KIF18A: variants seen among roughly 807,000 people sequenced by gnomAD.
KIF18A encodes kinesin family member 18A.
In KIF18A, 67 loss-of-function variants were observed where a neutral mutation model predicts 103.3. That is an observed-to-expected ratio of 0.65 (90% CI 0.53 to 0.79). KIF18A has a LOEUF of 0.79. Ranked by LOEUF, KIF18A falls within the 30% of genes least tolerant of loss-of-function variation. KIF18A has a pLI of 0.00. For missense variants in KIF18A, 1,032 were observed against 1,062.5 expected (o/e 0.97, Z 0.40); for synonymous variants, 367 against 355.5 (o/e 1.03, Z -0.36).
intron 2 of KIF18A, chr11:28,097,393 G>A (rs1416034493): frequency 1.2e-5 from 6 of 481,456 alleles, no homozygotes; most frequent in Non-Finnish European, 2.2e-5. Flanking sequence ...TGTCTATAGG[G>A]GCCACAGTAA....
intron 10 of KIF18A, among the ~76,000 whole-genome samples, chr11:28,070,941 G>A (rs1279788449): frequency 6.6e-6 from 1 of 152,228 alleles, no homozygotes; most frequent in Non-Finnish European, 1.5e-5. Context: ...CAGCTACTTG[G>A]TGGGGTGGAG....
chr11:28,049,462 C>T (rs1323546957), intron 13 of KIF18A, among the ~76,000 whole-genome samples: 1 of 151,782 alleles, frequency 6.6e-6, no homozygotes, highest in African/African-American at 2.4e-5. Flanking sequence ...AGACTGTAAA[C>T]GTTAAGAGAT....
rs1486735685 is a variant in KIF18A, at chr11:28,082,855, C to T, written c.1262+1G>A. On this transcript the variant is annotated splice_donor_variant, in intron 9 of 16. Transcript: ENST00000263181. LOFTEE classifies it high-confidence loss of function. ...AAATTAGATCTTAATGTAATGTTTA[C>T]CTTTCGATTTCTTTTTCCTGAGGGT... 11 of 1,539,924 alleles carry T rather than the reference C, an allele frequency of 7.1e-6. No homozygotes were observed. The highest frequency in any genetic ancestry group is 8.9e-6 in the Non-Finnish European group (10 of 1,125,412).
intron 13 of KIF18A, among the ~76,000 whole-genome samples, chr11:28,039,510 G>A (rs537846300): frequency 1.3e-5 from 2 of 151,846 alleles, no homozygotes; most frequent in African/African-American, 2.4e-5. Context: ...TACTTAGCAG[G>A]TATAATCTCT....
chr11:28,041,182 G>A (rs955917501), intron 13 of KIF18A, among the ~76,000 whole-genome samples: 1 of 151,704 alleles, frequency 6.6e-6, no homozygotes, highest in Non-Finnish European at 1.5e-5. Flanking sequence ...ACATTTTTGA[G>A]GGGAGAAGGC....
intron 13 of KIF18A, among the ~76,000 whole-genome samples, chr11:28,048,211 T>TATCTAA (rs1850664701): frequency 6.6e-6 from 1 of 152,150 alleles, no homozygotes; most frequent in Non-Finnish European, 1.5e-5. Context: ...TGACAATGCA[T>TATCTAA]ATCTAATGCC....
At chr11:28,022,483 G>A (rs964083740) in intron 16 of KIF18A, among the ~76,000 whole-genome samples, 1 of 151,966 alleles carries the variant, frequency 6.6e-6, no homozygotes, top group African/African-American at 2.4e-5. Flanking sequence ...TAGCCAGGAT[G>A]GTCTCGATCT....
rs761084790 is a variant in KIF18A, at chr11:28,036,602, G to A, written c.2011C>T (p.Leu671=). 2 of 1,610,286 alleles carry A rather than the reference G, an allele frequency of 1.2e-6. No individual in the cohort carries two copies. Among genetic ancestry groups the A allele is most frequent in the Non-Finnish European group, 1.7e-6 (2 of 1,177,728 alleles). Residue 671 remains leucine, a synonymous_variant, in exon 14 of 17, where the codon CTA becomes TTA. Transcript: ENST00000263181. ...IPTEKRTRRK[L]MPSPLKGQHT... is the part of the protein sequence containing the mutation. ...TGTCCTTTCAAGGGAGATGGCATTAGTTTTCTCCGAGTTCTTTTTTCTGTA... is the reference window on the plus strand; with the variant it reads ...TGTCCTTTCAAGGGAGATGGCATTAATTTTCTCCGAGTTCTTTTTTCTGTA...
At position 28,058,970 on chromosome 11, in the gene KIF18A, A is replaced by C. The variant is rs1232982267; in HGVS notation, c.1904T>G (p.Leu635Arg). Residue 635 changes from leucine to arginine, a missense_variant, in exon 13 of 17, where the codon CTT becomes CGT. Transcript: ENST00000263181. ...KQNDLPGISV[L>R]MTFPQLGPVQ... ...TGGTCCAAGTTGTGGAAAGGTCATAAGAACAGAAATCCCTGGTAGATCGTT... is the reference window on the plus strand; with the variant it reads ...TGGTCCAAGTTGTGGAAAGGTCATACGAACAGAAATCCCTGGTAGATCGTT... 1 of 1,614,004 alleles carries C rather than the reference A, an allele frequency of 6.2e-7. No homozygotes were observed. Among genetic ancestry groups the C allele is most frequent in the Non-Finnish European group, 8.5e-7 (1 of 1,179,990 alleles).
intron 13 of KIF18A, among the ~76,000 whole-genome samples, chr11:28,054,045 A>G (rs906629130): frequency 6.6e-5 from 10 of 152,164 alleles, no homozygotes; most frequent in African/African-American, 2.4e-4. Context: ...ATCTTGAGCC[A>G]GAAATTTTAC....
intron 1 of KIF18A, among the ~76,000 whole-genome samples, chr11:28,099,855 C>T (rs529565423): frequency 5.9e-5 from 9 of 152,192 alleles, no homozygotes; most frequent in East Asian, 1.9e-4. Context: ...AACTGGAAGT[C>T]GTTTTGAGCA....
At position 28,096,937 on chromosome 11, in the gene KIF18A, G is replaced by T. The variant is rs143293864; in HGVS notation, c.325+686C>A. ...TGGCTTTCTTGAAAGGCCAAAAAAA[G>T]CACTAAAGATGCTTCTTGGGCTAAC... On this transcript the variant is annotated intron_variant, in intron 2 of 16. Transcript: ENST00000263181. Among the ~76,000 whole-genome samples the T allele has an allele frequency of 4.7e-4, 71 of 150,330 alleles. 1 individual carries two copies. In the East Asian group the frequency reaches 0.013, roughly 27 times the overall value.
intron 13 of KIF18A, among the ~76,000 whole-genome samples, chr11:28,040,993 T>C (rs942060956): frequency 7.9e-5 from 12 of 151,870 alleles, no homozygotes; most frequent in Non-Finnish European, 1.5e-4. Context: ...CTATTTTGAA[T>C]CCAGGATCAA....
chr11:28,055,701 AAAG>A (rs1320856598), intron 13 of KIF18A, among the ~76,000 whole-genome samples: 2 of 152,152 alleles, frequency 1.3e-5, no homozygotes. Context: ...CTAGAATATG[AAAG>A]AAGGAACTGT....
chr11:28,101,189 G>A (rs565147687), intron 1 of KIF18A, among the ~76,000 whole-genome samples: 1 of 152,108 alleles, frequency 6.6e-6, no homozygotes, highest in Admixed American at 6.6e-5. Flanking sequence ...AGGATGTTTG[G>A]CATTTCTCTC....
At chr11:28,075,186 A>T (rs1238620831) in intron 10 of KIF18A, among the ~76,000 whole-genome samples, 1 of 152,108 alleles carries the variant, frequency 6.6e-6, no homozygotes. Context: ...TTTATACAAC[A>T]TCTTGTCCAC....
chr11:28,088,480 T>C, intron 6 of KIF18A, 44 bp downstream of exon 6: 1 of 1,462,892 alleles, frequency 6.8e-7, no homozygotes, highest in South Asian at 1.2e-5. Flanking sequence ...TCTTATCTAT[T>C]TCAATATTTC....
chr11:28,059,219 T>C lies in KIF18A; in HGVS notation c.1713-58A>G, dbSNP rs145903456. The C allele has an allele frequency of 1.8e-5, 21 of 1,195,510 alleles. No individual in the cohort carries two copies. The East Asian group carries it at 4.7e-4, about 27-fold the overall frequency. 74.1% of individuals were successfully genotyped at this position (1,195,510 alleles called of 1,614,324 possible). On this transcript the variant is annotated intron_variant, in intron 12 of 16. Transcript: ENST00000263181. ...AAATATGACATTTTAAACACATTAT[T>C]TTAGTTCTTTTATGTAACACCCAAA... is the stretch of plus-strand genomic sequence containing the variant.
rs1330240410 is a variant in KIF18A at position 28,097,637 on chromosome 11, C to G, written c.311G>C (p.Gly104Ala). The G allele has an allele frequency of 6.3e-7, 1 of 1,597,576 alleles. No individual in the cohort carries two copies. Among genetic ancestry groups the G allele is most frequent in the South Asian group, 1.1e-5 (1 of 90,640 alleles). ...TKPILRSFLN[G>A]YNCTVLAYGA... ...GAAACAAATACCTGTGCAATTATAT[C>G]CATTCAAAAAACTACGAAGAATTGG... is the stretch of plus-strand genomic sequence containing the variant. The change falls in exon 2 of 17, where the codon GGA (glycine) becomes GCA (alanine). Residue 104 changes from glycine (G) to alanine (A), a missense_variant. Transcript: ENST00000263181.
Sources: gnomAD v4.1 joint callset for allele counts (sites outside exome capture counted in the v4.1 genomes callset) on GRCh38, gnomAD v4.1.1 for gene constraint, MANE v1.5 for transcripts, NCBI Gene and HGNC (gene_info 2026-07-23, HGNC 2026-07-21) for gene names.